Variants in CCDC112 observed in about 807,000 individuals in gnomAD.
CCDC112 encodes the protein coiled-coil domain containing 112.
In CCDC112, 40 loss-of-function variants were observed where a neutral mutation model predicts 66.3. The observed-to-expected ratio is 0.60, with a 90% CI of 0.47 to 0.79. The LOEUF (loss-of-function observed/expected upper bound fraction) is 0.79, where lower values mean the gene tolerates loss of function less well. Ranked by LOEUF, CCDC112 falls within the 30% of genes least tolerant of loss-of-function variation. The pLI is 0.00. For synonymous variants in CCDC112, 214 were observed against 197.2 expected (o/e 1.09, Z -0.71); for missense variants, 659 against 603.8 (o/e 1.09, Z -0.96).
At chr5:115,279,952 T>C (rs954548719) in intron 2 of CCDC112, among the ~76,000 whole-genome samples, 184 bp from the exon 3 acceptor site, 12 of 152,206 alleles carry the variant, frequency 7.9e-5, no homozygotes, top group African/African-American at 2.4e-4. Flanking sequence ...CTAGAAGAGT[T>C]AATTTCAATC....
At chr5:115,292,738 T>A (rs1480021024) in intron 1 of CCDC112, among the ~76,000 whole-genome samples, 2 of 152,234 alleles carry the variant, frequency 1.3e-5, no homozygotes, top group African/African-American at 4.8e-5. Flanking sequence ...TTAGCTCAGT[T>A]GTCAGCCAAT....
intron 2 of CCDC112, among the ~76,000 whole-genome samples, chr5:115,282,735 G>C (rs1159285427): frequency 1.3e-5 from 2 of 152,088 alleles, no homozygotes; most frequent in Non-Finnish European, 2.9e-5. Flanking sequence ...AAAGGAACTG[G>C]GTGGCTTGGA....
At chr5:115,288,384 G>C (rs1049298967) in intron 1 of CCDC112, among the ~76,000 whole-genome samples, 2 of 152,146 alleles carry the variant, frequency 1.3e-5, no homozygotes, top group Non-Finnish European at 2.9e-5. Flanking sequence ...ATGTTGATAA[G>C]CTGTTAAATA....
Position 115,284,849 on chromosome 5 carries a change from C to T in CCDC112, c.177G>A (p.Lys59=), listed in dbSNP as rs761815363. 1.2e-6 allele frequency: 2 copies of T among 1,612,460 alleles called. No homozygotes were observed. Among genetic ancestry groups the T allele is most frequent in the African/African-American group, 2.7e-5 (2 of 74,896 alleles). Reference sequence around the variant, plus strand: ...CTTTCTTAGTCTGATTAACTTTCTGCTTCCAGTTCTGAAGATGAAAAGGAC... The same window carrying T: ...CTTTCTTAGTCTGATTAACTTTCTGTTTCCAGTTCTGAAGATGAAAAGGAC... The part of the protein sequence containing the change: ...GIRPFHLQNW[K]QKVNQTKKAE... The change falls in exon 2 of 10, where the codon AAG becomes AAA. Residue 59 remains lysine, a synonymous_variant. Transcript: ENST00000379611.
Position 115,269,702 on chromosome 5 carries a change from CCTTTT to C in CCDC112, c.1424_1428del (p.Glu475GlyfsTer2). On this transcript the variant is annotated frameshift_variant and splice_region_variant, in exon 8 of 10. Coordinates refer to ENST00000379611, the MANE Select transcript of CCDC112 (RefSeq NM_001040440.3). LOFTEE classifies it high-confidence loss of function. Reference sequence around the variant, plus strand: ...ATGAAAATAATCTCGGTGCAGAGTACCTTTTCTTTTAATTTTGCCAGTCTTCTTTG... The same window carrying C: ...ATGAAAATAATCTCGGTGCAGAGTACCTTTTAATTTTGCCAGTCTTCTTTG... The C allele has an allele frequency of 6.3e-7, 1 of 1,578,752 alleles. No homozygotes were observed. Among genetic ancestry groups the C allele is most frequent in the Non-Finnish European group, 8.6e-7 (1 of 1,158,030 alleles).
Position 115,296,580 on chromosome 5 carries a change from C to G in CCDC112, c.-37G>C. On this transcript the variant is annotated 5_prime_UTR_variant, in exon 1 of 10. Transcript: ENST00000379611. ...GAGCTACTCGGGCCGCGGCGGCCAC[C>G]GGTGCCTGGGGATTCGTGGCAGGCG... 1.4e-6 allele frequency: 2 copies of G among 1,437,202 alleles called. No homozygotes were observed. Among genetic ancestry groups the G allele is most frequent in the Non-Finnish European group, 1.8e-6 (2 of 1,099,192 alleles). The allele number at this position is 1,437,202 out of a possible 1,614,324, so 89.0% of individuals were successfully genotyped here. A position where few individuals can be genotyped will look rare whatever the true frequency, so the allele number is the denominator to read the frequency against.
At position 115,295,611 on chromosome 5, in the gene CCDC112, T is replaced by C. The variant is rs1580814064; in HGVS notation, c.117+816A>G. Among the ~76,000 whole-genome samples, 3 of 152,158 alleles carry C rather than the reference T, an allele frequency of 2.0e-5. No homozygotes were observed. The East Asian group carries it at 5.8e-4, about 29-fold the overall frequency. On this transcript the variant is annotated intron_variant, in intron 1 of 9. Transcript: ENST00000379611. ...CACAAATTATTTAGTAAGTGCATACTACGTTCCAGGCACTACACAACAGGC... is the reference window on the plus strand; with the variant it reads ...CACAAATTATTTAGTAAGTGCATACCACGTTCCAGGCACTACACAACAGGC...
Position 115,296,502 on chromosome 5 carries a change from G to A in CCDC112, c.42C>T (p.Thr14=), listed in dbSNP as rs1292943792. 3 of 1,551,098 alleles carry A rather than the reference G, an allele frequency of 1.9e-6. No homozygotes were observed. Among genetic ancestry groups the A allele is most frequent in the Admixed American group, 1.8e-5 (1 of 54,086 alleles). ...CCCCTGCCACAGCCCCGGCTACCGC[G>A]GTGGCCGCAGCCGCTACCACAACCG... is the stretch of plus-strand genomic sequence containing the variant. ...LTTVVVAAAA[T]AVAGAVAGAG... Residue 14 remains threonine, a synonymous_variant, in exon 1 of 10, where the codon ACC becomes ACT. Transcript: ENST00000379611.
chr5:115,275,869 T>C lies in CCDC112; in HGVS notation c.527+125A>G, dbSNP rs1385181715. On this transcript the variant is annotated intron_variant, in intron 5 of 9. Transcript: ENST00000379611. ...CTAAAACTGAAAACAAAAAAGATAT[T>C]ATATTGCTTTTGTATAAGACTCAAA... The C allele has an allele frequency of 5.4e-6, 4 of 747,496 alleles. No homozygotes were observed. In the East Asian group the frequency reaches 1.2e-4, roughly 22 times the overall value. 46.3% of individuals were successfully genotyped at this position (747,496 alleles called of 1,614,324 possible). A position where few individuals can be genotyped will look rare whatever the true frequency, so the allele number is the denominator to read the frequency against.
intron 3 of CCDC112, among the ~76,000 whole-genome samples, chr5:115,277,462 T>C (rs1749256606): frequency 6.6e-6 from 1 of 152,224 alleles, no homozygotes; most frequent in African/African-American, 2.4e-5. Context: ...TGTGGGAATA[T>C]TAAAACTATT....
Position 115,279,696 on chromosome 5 carries a change from A to T in CCDC112, c.312T>A (p.Ser104Arg), listed in dbSNP as rs774402431. ...ATTTATTTTCCAATTCTTCTAGCAT[A>T]CTATGCTCAATTCTGAAGTCACTTT... Reference protein sequence around the residue: ...NQKSDFRIEHSMLEELENKLI... With the variant: ...NQKSDFRIEHRMLEELENKLI... Residue 104 changes from serine (S) to arginine (R), a missense_variant, in exon 3 of 10, where the codon AGT becomes AGA. By Grantham distance (110) the Ser-to-Arg change is moderately radical. Coordinates refer to ENST00000379611, the MANE Select transcript of CCDC112 (RefSeq NM_001040440.3). The T allele has an allele frequency of 6.2e-7, 1 of 1,609,428 alleles. No homozygotes were observed. Among genetic ancestry groups the T allele is most frequent in the Non-Finnish European group, 8.5e-7 (1 of 1,176,554 alleles).
At chr5:115,271,005 C>T (rs567563818) in intron 7 of CCDC112, among the ~76,000 whole-genome samples, 1 of 152,286 alleles carries the variant, frequency 6.6e-6, no homozygotes, top group East Asian at 1.9e-4. Context: ...CACTCTTTAA[C>T]ACATTATACT....
At chr5:115,268,003 A>AAT (rs1428692705) in intron 9 of CCDC112, 85 bp from the exon 10 acceptor site, 9 of 1,026,596 alleles carry the variant, frequency 8.8e-6, no homozygotes, top group Admixed American at 1.9e-5. Flanking sequence ...CTAACTTTAA[A>AAT]ATATATATAT....
At chr5:115,287,492 C>T (rs531146676) in intron 1 of CCDC112, among the ~76,000 whole-genome samples, 216 of 152,236 alleles carry the variant, frequency 1.4e-3, no homozygotes, top group African/African-American at 4.7e-3. Flanking sequence ...TGGAGTTACT[C>T]ATGCTAAGTG....
chr5:115,281,657 T>C (rs1268450120), intron 2 of CCDC112, among the ~76,000 whole-genome samples: 3 of 152,236 alleles, frequency 2.0e-5, no homozygotes, highest in Admixed American at 6.5e-5. Context: ...CAACAGTTTT[T>C]AGTTCATCAC....
chr5:115,285,209 G>A (rs775341546), intron 1 of CCDC112, among the ~76,000 whole-genome samples: 4 of 152,024 alleles, frequency 2.6e-5, no homozygotes, highest in Non-Finnish European at 4.4e-5. Context: ...GAAGTGACAC[G>A]GGCTACATTA....
At position 115,296,446 on chromosome 5, in the gene CCDC112, G is replaced by A; in HGVS notation, c.98C>T (p.Ala33Val). Residue 33 changes from alanine to valine, a missense_variant, in exon 1 of 10, where the codon GCG (alanine) becomes GTG (valine). Coordinates refer to ENST00000379611, the MANE Select transcript of CCDC112 (RefSeq NM_001040440.3). ...AGAATGTGVG[A>V]TPAPQQSDGC... ...ATTTACCTGTTGAGGCGCTGGCGTC[G>A]CTCCCACGCCGGTCCCGGTGGCCGC... 2 of 1,564,746 alleles carry A rather than the reference G, an allele frequency of 1.3e-6. No homozygotes were observed. The highest frequency in any genetic ancestry group is 2.5e-5 in the East Asian group (1 of 39,660).
chr5:115,271,727 G>T, intron 6 of CCDC112, 101 bp from the exon 7 acceptor site: 1 of 770,652 alleles, frequency 1.3e-6, no homozygotes, highest in Non-Finnish European at 1.9e-6. Context: ...AAAGAATATT[G>T]ATTGCAGAAT....
chr5:115,296,526 C>T lies in CCDC112; in HGVS notation c.18G>A (p.Thr6=), dbSNP rs1487215801. 9 of 1,535,994 alleles carry T rather than the reference C, an allele frequency of 5.9e-6. No homozygotes were observed. Among genetic ancestry groups the T allele is most frequent in the Non-Finnish European group, 7.9e-6 (9 of 1,146,036 alleles). Residue 6 remains threonine (T), a synonymous_variant, in exon 1 of 10, where the codon ACG becomes ACA. Coordinates refer to ENST00000379611, the MANE Select transcript of CCDC112 (RefSeq NM_001040440.3). MAALT[T]VVVAAAATAV... ...CGGTGGCCGCAGCCGCTACCACAAC[C>T]GTCGTCAGTGCGGCCATGTTTACCC...
Sources: gnomAD v4.1 joint callset for allele counts (sites outside exome capture counted in the v4.1 genomes callset) on GRCh38, gnomAD v4.1.1 for gene constraint, MANE v1.5 for transcripts, NCBI Gene and HGNC (gene_info 2026-07-23, HGNC 2026-07-21) for gene names.